DPP10: variants seen among roughly 807,000 people sequenced by gnomAD.
DPP10 encodes dipeptidyl peptidase like 10.
A neutral mutation model predicts 120.9 loss-of-function variants in DPP10; 33 were observed. That is an observed-to-expected ratio of 0.27 (90% CI 0.21 to 0.37). The LOEUF is 0.37. Ranked by LOEUF, DPP10 falls within the 10% of genes least tolerant of loss-of-function variation. The pLI is 1.00. For missense variants in DPP10, 816 were observed against 942.8 expected, an observed-to-expected ratio of 0.87 and a Z score of 1.76; for synonymous variants, 337 against 326.1, an observed-to-expected ratio of 1.03 and a Z score of -0.36.
Position 114,771,639 on chromosome 2 carries a change from G to A in DPP10, c.60+328801G>A, listed in dbSNP as rs77782764. On this transcript the variant is annotated intron_variant, in intron 1 of 25. Coordinates refer to ENST00000410059, the MANE Select transcript of DPP10 (RefSeq NM_020868.6). ...AGGTGAATAGAAGGAAGGAGGCTCCGTCTTAGCCGGGAGGAAACTCACTTG... is the reference window on the plus strand; with the variant it reads ...AGGTGAATAGAAGGAAGGAGGCTCCATCTTAGCCGGGAGGAAACTCACTTG... Among the ~76,000 whole-genome samples the A allele has an allele frequency of 2.8e-3, 426 of 152,302 alleles. 2 individuals carry two copies. The highest frequency in any genetic ancestry group is 9.5e-3 in the African/African-American group (397 of 41,578).
intron 2 of DPP10, among the ~76,000 whole-genome samples, chr2:115,336,230 G>A (rs149745687): frequency 6.6e-6 from 1 of 151,932 alleles, no homozygotes; most frequent in East Asian, 1.9e-4. Flanking sequence ...AGAAAGAACA[G>A]AAATACCCAT....
In DPP10 at chr2:114,940,709, C is replaced by A. The variant is rs115514296; in HGVS notation, c.61-368530C>A. ...CACTTAGGTGGAAAAGAAATGAAAA[C>A]GTCAGGCTTTGATAATATAGCATTA... On this transcript the variant is annotated intron_variant, in intron 1 of 25. Transcript: ENST00000410059. 6.4e-3 allele frequency among the ~76,000 whole-genome samples: 976 copies of A among 152,104 alleles called. 11 individuals carry two copies. The highest frequency in any genetic ancestry group is 0.022 in the African/African-American group (914 of 41,498).
chr2:114,916,271 A>C (rs1246403378), intron 1 of DPP10, among the ~76,000 whole-genome samples: 1 of 152,184 alleles, frequency 6.6e-6, no homozygotes, highest in East Asian at 1.9e-4. Context: ...CTAAGATTGA[A>C]CCAAGAAGAA....
intron 1 of DPP10, among the ~76,000 whole-genome samples, chr2:115,283,689 A>G (rs917993720): frequency 9.9e-5 from 15 of 152,052 alleles, no homozygotes; most frequent in African/African-American, 2.9e-4. Context: ...CATTCTGGCA[A>G]TCTTTAAAAA....
At chr2:114,756,829 A>T (rs1679795033) in intron 1 of DPP10, among the ~76,000 whole-genome samples, 1 of 152,154 alleles carries the variant, frequency 6.6e-6, no homozygotes, top group South Asian at 2.1e-4. Context: ...ACCAGTTCAA[A>T]TATTACCTCT....
intron 11 of DPP10, among the ~76,000 whole-genome samples, chr2:115,754,918 G>A (rs1305297935): frequency 6.6e-6 from 1 of 152,014 alleles, no homozygotes; most frequent in Non-Finnish European, 1.5e-5. Context: ...TCCAAAATAT[G>A]TATGATTATT....
intron 19 of DPP10, among the ~76,000 whole-genome samples, chr2:115,796,694 C>G (rs1389253420): frequency 6.6e-6 from 1 of 151,988 alleles, no homozygotes; most frequent in Non-Finnish European, 1.5e-5. Context: ...AATTTTTTTA[C>G]TTAGCTTAAG....
chr2:115,554,041 A>ACC (rs1575163461), intron 5 of DPP10, among the ~76,000 whole-genome samples: 1 of 135,174 alleles, frequency 7.4e-6, no homozygotes, highest in Non-Finnish European at 1.6e-5. Flanking sequence ...ACACACACAC[A>ACC]CCAAATTAAC....
chr2:115,294,522 G>T (rs1574326017), intron 1 of DPP10, among the ~76,000 whole-genome samples: 2 of 150,694 alleles, frequency 1.3e-5, no homozygotes, highest in South Asian at 4.2e-4. Flanking sequence ...TTTGCTTTTT[G>T]GGGGGAAGGG....
chr2:115,176,689 CTG>C (rs1283173842), intron 1 of DPP10, among the ~76,000 whole-genome samples: 2 of 152,190 alleles, frequency 1.3e-5, no homozygotes, highest in Non-Finnish European at 2.9e-5. Flanking sequence ...CACTAGAACT[CTG>C]TGTACAAGTT....
chr2:114,518,717 T>C (rs1353354205), intron 1 of DPP10, among the ~76,000 whole-genome samples: 1 of 152,200 alleles, frequency 6.6e-6, no homozygotes, highest in Non-Finnish European at 1.5e-5. Flanking sequence ...ACCTGCATTT[T>C]AGCAAGAGTT....
intron 1 of DPP10, among the ~76,000 whole-genome samples, chr2:114,802,477 T>C (rs1231001159): frequency 6.6e-6 from 1 of 152,028 alleles, no homozygotes; most frequent in Non-Finnish European, 1.5e-5. Context: ...TTAGTAGGAT[T>C]CTATCCTCTT....
At chr2:115,278,529 A>G (rs1454441902) in intron 1 of DPP10, among the ~76,000 whole-genome samples, 1 of 152,116 alleles carries the variant, frequency 6.6e-6, no homozygotes, top group East Asian at 1.9e-4. Context: ...CAGACTGTAC[A>G]AGAAGCACGG....
At chr2:114,451,790 C>G (rs1455399730) in intron 1 of DPP10, among the ~76,000 whole-genome samples, 3 of 152,094 alleles carry the variant, frequency 2.0e-5, no homozygotes, top group Admixed American at 6.6e-5. Flanking sequence ...GGACACAGTT[C>G]TATGACCCTG....
intron 1 of DPP10, among the ~76,000 whole-genome samples, chr2:114,663,014 G>A (rs1697549153): frequency 6.6e-6 from 1 of 152,084 alleles, no homozygotes; most frequent in Non-Finnish European, 1.5e-5. Context: ...TTGATGAATG[G>A]TGTTAGGTTT....
In DPP10 at chr2:115,558,607, A is replaced by C. The variant is rs2080366370; in HGVS notation, c.441+32635A>C. On this transcript the variant is annotated intron_variant, in intron 5 of 25. Transcript: ENST00000410059. ...TGAAAAGTACTGACCTTCCTAAGCG[A>C]TGTAGAACATACAAAACTGTACTCA... 5.9e-5 allele frequency among the ~76,000 whole-genome samples: 9 copies of C among 152,160 alleles called. 1 individual carries two copies. The highest frequency in any genetic ancestry group is 5.2e-4 in the Admixed American group (8 of 15,282).
chr2:115,770,157 C>A (rs1169915305), intron 13 of DPP10, among the ~76,000 whole-genome samples: 1 of 151,978 alleles, frequency 6.6e-6, no homozygotes, highest in Non-Finnish European at 1.5e-5. Flanking sequence ...CATTATTCAA[C>A]AAATAAATAA....
intron 1 of DPP10, among the ~76,000 whole-genome samples, chr2:114,542,919 C>G (rs1027035874): frequency 2.0e-5 from 3 of 152,146 alleles, no homozygotes; most frequent in Admixed American, 2.0e-4. Flanking sequence ...TCCTCCTTCC[C>G]CAATCATGCC....
At position 114,539,226 on chromosome 2, in the gene DPP10, T is replaced by C. The variant is rs573878454; in HGVS notation, c.60+96388T>C. On this transcript the variant is annotated intron_variant, in intron 1 of 25. Coordinates refer to ENST00000410059, the MANE Select transcript of DPP10 (RefSeq NM_020868.6). ...TTATAATTATACACATAACTATTGA[T>C]ACAATATATTAAAAATATATTATAA... Among the ~76,000 whole-genome samples, 10 of 148,674 alleles carry C rather than the reference T, an allele frequency of 6.7e-5. 2 individuals are homozygous for C. Among genetic ancestry groups the C allele is most frequent in the African/African-American group, 2.4e-4 (10 of 40,910 alleles).
Sources: allele counts gnomAD v4.1 joint callset (sites outside exome capture counted in the v4.1 genomes callset), GRCh38; gene constraint gnomAD v4.1.1; transcripts MANE v1.5; gene names NCBI Gene and HGNC (gene_info 2026-07-23, HGNC 2026-07-21).